Variants in CAPN3 observed in about 807,000 individuals in gnomAD.
CAPN3 encodes calpain-3.
A neutral mutation model predicts 114.0 loss-of-function variants in CAPN3; 88 were observed. That is an observed-to-expected ratio of 0.77 (90% confidence interval 0.65 to 0.92). The LOEUF (loss-of-function observed/expected upper bound fraction) is 0.92. Ranked by LOEUF, CAPN3 falls within the 40% of genes least tolerant of loss-of-function variation. The pLI is 0.00. For synonymous variants in CAPN3, 386 were observed against 382.9 expected, an observed-to-expected ratio of 1.01 and a Z score of -0.09; for missense variants, 1,028 against 1,069.0, an observed-to-expected ratio of 0.96 and a Z score of 0.53.
intron 1 of CAPN3, among the ~76,000 whole-genome samples, chr15:42,378,218 C>T (rs1423384640): frequency 6.6e-6 from 1 of 152,202 alleles, no homozygotes; most frequent in African/African-American, 2.4e-5. Context: ...AGTCAACACA[C>T]CTGTGGGTAA....
At position 42,409,834 on chromosome 15, in the gene CAPN3, C is replaced by T. The variant is rs200583904; in HGVS notation, c.2040C>T (p.Val680=). The change falls in exon 18 of 24, where the codon GTC becomes GTT. Residue 680 remains valine, a synonymous_variant. Transcript: ENST00000397163. ...AGCTCAAGAAGGTCCTTAACACAGT[C>T]GTGAACAAACGTGAGTTGCTCAAAC... ...ADELKKVLNT[V]VNKHKDLKTH... is the part of the protein sequence containing the mutation. The T allele has an allele frequency of 2.7e-5, 41 of 1,518,112 alleles. No homozygotes were observed. Among genetic ancestry groups the T allele is most frequent in the Admixed American group, 2.2e-4 (11 of 51,028 alleles). The allele number at this position is 1,518,112 out of a possible 1,614,324, so 94.0% of individuals were successfully genotyped here.
intron 1 of CAPN3, 41 bp downstream of exon 1, chr15:42,360,155 G>C: frequency 6.2e-7 from 1 of 1,612,732 alleles, no homozygotes; most frequent in Non-Finnish European, 8.5e-7. Context: ...TTCCCCCCAC[G>C]GAGGAGTCCT....
intron 3 of CAPN3, 102 bp downstream of exon 3, chr15:42,386,387 C>G (rs1234852765): frequency 1.2e-6 from 1 of 841,602 alleles, no homozygotes. Flanking sequence ...TCCCACCCAT[C>G]TACCCGCAGC....
chr15:42,387,860 T>C lies in CAPN3; in HGVS notation c.606T>C (p.Ser202=), dbSNP rs17593. 20,106 of 1,613,942 alleles carry C rather than the reference T, an allele frequency of 0.012. 1,130 individuals are homozygous for C. The African/African-American group carries it at 0.16, about 13-fold the overall frequency. The stretch of plus-strand genomic sequence containing the variant: ...CCAACCACCGCAATGAGTTCTGGAG[T>C]GCTCTGCTGGAGAAGGCTTATGCTA... ...TKSNHRNEFW[S]ALLEKAYAKL... The change falls in exon 4 of 24, where the codon AGT becomes AGC. Residue 202 remains serine, a synonymous_variant. Transcript: ENST00000397163.
chr15:42,404,904 A>G (rs994489370), intron 14 of CAPN3: 1 of 1,020,460 alleles, frequency 9.8e-7, no homozygotes, highest in Non-Finnish European at 1.2e-6. Flanking sequence ...ATCGGTGTGC[A>G]GTATTGATCA....
intron 14 of CAPN3, among the ~76,000 whole-genome samples, chr15:42,405,180 A>G (rs1303150653): frequency 6.6e-6 from 1 of 152,232 alleles, no homozygotes; most frequent in Admixed American, 6.5e-5. Context: ...ACCAAAGAAA[A>G]TCTCCCTATG....
chr15:42,388,829 A>T, intron 4 of CAPN3, 99 bp from the exon 5 acceptor site: 1 of 947,712 alleles, frequency 1.1e-6, no homozygotes, highest in East Asian at 2.4e-5. Flanking sequence ...ATGAAAGAAC[A>T]TCACAGCATC....
intron 1 of CAPN3, among the ~76,000 whole-genome samples, chr15:42,375,712 T>G (rs1445011308): frequency 2.0e-5 from 3 of 152,234 alleles, no homozygotes; most frequent in Non-Finnish European, 2.9e-5. Context: ...GTGAAGATGG[T>G]ACAGAGTTCT....
intron 5 of CAPN3, 60 bp downstream of exon 5, chr15:42,389,156 C>A: frequency 6.7e-7 from 1 of 1,499,506 alleles, no homozygotes. Context: ...GCCTTTTACC[C>A]AATGAAGGGC....
intron 1 of CAPN3, among the ~76,000 whole-genome samples, chr15:42,369,922 G>C (rs553695802): frequency 6.7e-6 from 1 of 150,324 alleles, no homozygotes; most frequent in South Asian, 2.1e-4. Context: ...GCCCAGGCTG[G>C]AGTGCAATAG....
intron 2 of CAPN3, chr15:42,385,718 A>G (rs770974161): frequency 7.7e-6 from 4 of 520,866 alleles, no homozygotes; most frequent in South Asian, 2.8e-5. Context: ...CTTCCTTCCA[A>G]TACAAATCAT....
intron 1 of CAPN3, among the ~76,000 whole-genome samples, chr15:42,371,166 A>C (rs1004644483): frequency 6.6e-6 from 1 of 152,178 alleles, no homozygotes; most frequent in African/African-American, 2.4e-5. Context: ...CCTTCTGTCT[A>C]CTCAGCAGAG....
intron 2 of CAPN3, among the ~76,000 whole-genome samples, chr15:42,384,768 G>T (rs28364389): frequency 1.3e-5 from 2 of 152,086 alleles, no homozygotes; most frequent in Admixed American, 1.3e-4. Context: ...TGCATCACAG[G>T]GGGTATCTGC....
At chr15:42,366,954 C>T (rs2052800835) in intron 1 of CAPN3, among the ~76,000 whole-genome samples, 1 of 151,212 alleles carries the variant, frequency 6.6e-6, no homozygotes, top group Non-Finnish European at 1.5e-5. Context: ...CCACCTTGGC[C>T]TCTCTAGTTG....
At chr15:42,411,700 G>GA (rs775242909) in intron 23 of CAPN3, 47 bp from the exon 24 acceptor site, 18 of 823,448 alleles carry the variant, frequency 2.2e-5, no homozygotes, top group African/African-American at 1.8e-4. Flanking sequence ...GGGGGGGGGG[G>GA]GGTCACTCTT....
At chr15:42,360,994 C>T (rs2052628388) in intron 1 of CAPN3, among the ~76,000 whole-genome samples, 1 of 152,194 alleles carries the variant, frequency 6.6e-6, no homozygotes, top group African/African-American at 2.4e-5. Context: ...TGTCTTGGAA[C>T]CTAGGGTCCT....
At chr15:42,403,900 A>G (rs2141205582) in intron 14 of CAPN3, 123 bp downstream of exon 14, 1 of 907,372 alleles carries the variant, frequency 1.1e-6, no homozygotes, top group South Asian at 1.3e-5. Context: ...GGCTGTGCTG[A>G]GCAGTCCCTC....
At position 42,388,996 on chromosome 15, in the gene CAPN3, G is replaced by A. The variant is rs1555420634; in HGVS notation, c.701G>A (p.Gly234Glu). 3.1e-6 allele frequency: 5 copies of A among 1,614,112 alleles called. No individual in the cohort carries two copies. The highest frequency in any genetic ancestry group is 4.5e-5 in the East Asian group (2 of 44,870). The change falls in exon 5 of 24, where the codon GGG becomes GAG. Residue 234 changes from glycine (G) to glutamate (E), a missense_variant. Coordinates refer to ENST00000397163, the MANE Select transcript of CAPN3 (RefSeq NM_000070.3). ...GAGGCCATGGAGGACTTCACAGGAGGGGTGGCAGAGTTTTTTGAGATCAGG... is the reference window on the plus strand; with the variant it reads ...GAGGCCATGGAGGACTTCACAGGAGAGGTGGCAGAGTTTTTTGAGATCAGG... The part of the protein sequence containing the change: ...TTEAMEDFTG[G>E]VAEFFEIRDA...
At chr15:42,404,083 G>A (rs138407929) in intron 14 of CAPN3, 17 of 529,540 alleles carry the variant, frequency 3.2e-5, no homozygotes, top group Middle Eastern at 2.9e-4. Flanking sequence ...GAGCCGCAGC[G>A]AACACTGGAT....
Sources: allele counts gnomAD v4.1 joint callset (sites outside exome capture counted in the v4.1 genomes callset), GRCh38; gene constraint gnomAD v4.1.1; transcripts MANE v1.5; gene names NCBI Gene and HGNC (gene_info 2026-07-23, HGNC 2026-07-21).